Variants in EPM2A observed in about 807,000 individuals in gnomAD.
EPM2A encodes EPM2A glucan phosphatase, laforin, also known as laforin.
Under a neutral mutation model 26.5 loss-of-function variants are expected in EPM2A, and 21 were observed. That is an observed-to-expected ratio of 0.79 (90% CI 0.56 to 1.14). EPM2A has a LOEUF of 1.14. Ranked by LOEUF, EPM2A falls within the 50% of genes most tolerant of loss-of-function variation. EPM2A has a pLI of 0.00. For missense variants in EPM2A, 458 were observed against 440.8 expected (o/e 1.04, Z -0.35); for synonymous variants, 217 against 177.6 (o/e 1.22, Z -1.76).
intron 4 of EPM2A, among the ~76,000 whole-genome samples, chr6:145,427,519 C>CT (rs1175788028): frequency 1.3e-5 from 2 of 152,038 alleles, no homozygotes; most frequent in Non-Finnish European, 2.9e-5. Flanking sequence ...TGTCACAGTG[C>CT]GTCTCCTAGA....
chr6:145,689,890 TTTG>T (rs1486325207), intron 1 of EPM2A, among the ~76,000 whole-genome samples: 1 of 152,192 alleles, frequency 6.6e-6, no homozygotes, highest in Non-Finnish European at 1.5e-5. Context: ...TCCACCTCCA[TTTG>T]GCAGTAACGA....
At chr6:145,468,044 T>C (rs1582778492) in intron 4 of EPM2A, among the ~76,000 whole-genome samples, 1 of 152,228 alleles carries the variant, frequency 6.6e-6, no homozygotes, top group South Asian at 2.1e-4. Context: ...GGATATATGC[T>C]AGTTTAATCC....
intron 4 of EPM2A, among the ~76,000 whole-genome samples, chr6:145,388,219 G>A (rs1381408004): frequency 6.6e-6 from 1 of 152,128 alleles, no homozygotes. Flanking sequence ...ACCCTTCAAA[G>A]ATTCTCCACT....
intron 4 of EPM2A, among the ~76,000 whole-genome samples, chr6:145,396,402 AC>A (rs967389104): frequency 6.6e-6 from 1 of 152,116 alleles, no homozygotes; most frequent in Non-Finnish European, 1.5e-5. Context: ...TGTTCTTTAA[AC>A]CCCCAGACAA....
chr6:145,456,324 G>A (rs1779262039), intron 4 of EPM2A, among the ~76,000 whole-genome samples: 1 of 152,160 alleles, frequency 6.6e-6, no homozygotes, highest in Admixed American at 6.5e-5. Context: ...GTACTTAGTA[G>A]GTGCCAAATA....
At chr6:145,686,374 A>AT in intron 1 of EPM2A, 78 bp from the exon 2 acceptor site, 1 of 1,122,644 alleles carries the variant, frequency 8.9e-7, no homozygotes, top group Admixed American at 1.8e-5. Flanking sequence ...CTGATACAAA[A>AT]TTAATAGCAA....
chr6:145,690,351 A>G (rs1053502522), intron 1 of EPM2A, among the ~76,000 whole-genome samples: 1 of 151,724 alleles, frequency 6.6e-6, no homozygotes, highest in African/African-American at 2.4e-5. Context: ...TCTACTAAAA[A>G]TACAAAAAAT....
intron 2 of EPM2A, among the ~76,000 whole-genome samples, chr6:145,654,128 T>C (rs1778084973): frequency 6.6e-6 from 1 of 152,208 alleles, no homozygotes; most frequent in Non-Finnish European, 1.5e-5. Context: ...ACTCACTGTA[T>C]ATCTATTGAT....
chr6:145,452,377 T>C (rs1779206510), intron 4 of EPM2A, among the ~76,000 whole-genome samples: 1 of 151,118 alleles, frequency 6.6e-6, no homozygotes, highest in Non-Finnish European at 1.5e-5. Context: ...AAATTTCAGA[T>C]GTTGTTTCTC....
intron 1 of EPM2A, among the ~76,000 whole-genome samples, chr6:145,691,140 T>C (rs978555103): frequency 1.3e-5 from 2 of 151,996 alleles, no homozygotes; most frequent in Non-Finnish European, 2.9e-5. Flanking sequence ...AGGCAAAACC[T>C]ACAAATTCAA....
intron 4 of EPM2A, among the ~76,000 whole-genome samples, chr6:145,399,089 A>T (rs1026233568): frequency 1.3e-5 from 2 of 152,176 alleles, no homozygotes; most frequent in African/African-American, 4.8e-5. Context: ...ATTCTAGATC[A>T]AATAAAGAAA....
intron 2 of EPM2A, among the ~76,000 whole-genome samples, chr6:145,581,182 TAGTAATAGC>T (rs2114836305): frequency 6.6e-6 from 1 of 152,322 alleles, no homozygotes; most frequent in East Asian, 1.9e-4. Context: ...TTTGACTTTT[TAGTAATAGC>T]CATTCCGACT....
At chr6:145,497,388 C>T (rs1779835014), downstream of EPM2A, among the ~76,000 whole-genome samples, 3 of 152,320 alleles carry the variant, frequency 2.0e-5, no homozygotes, top group South Asian at 4.1e-4. Context: ...TGCAAAACAG[C>T]AAAGTGGCAG....
intron 2 of EPM2A, among the ~76,000 whole-genome samples, chr6:145,659,366 A>AT (rs1778522579): frequency 6.6e-6 from 1 of 152,214 alleles, no homozygotes; most frequent in Non-Finnish European, 1.5e-5. Flanking sequence ...TTGAGGCAGC[A>AT]TTGTACTTTA....
At chr6:145,487,109 G>A (rs374891833) in intron 4 of EPM2A, among the ~76,000 whole-genome samples, 17 of 152,208 alleles carry the variant, frequency 1.1e-4, no homozygotes, top group African/African-American at 4.1e-4. Context: ...TTCTGTTTCT[G>A]CATTAGTTTG....
At chr6:145,713,185 C>A (rs146855295) in intron 1 of EPM2A, among the ~76,000 whole-genome samples, 2 of 152,112 alleles carry the variant, frequency 1.3e-5, no homozygotes, top group African/African-American at 4.8e-5. Flanking sequence ...AAGCACTGTA[C>A]GAAACTAATG....
intron 1 of EPM2A, among the ~76,000 whole-genome samples, chr6:145,723,775 C>G (rs961917924): frequency 3.0e-4 from 45 of 152,072 alleles, no homozygotes; most frequent in African/African-American, 1.1e-3. Flanking sequence ...TTTACTCTCA[C>G]ATTTGGGGAG....
intron 2 of EPM2A, among the ~76,000 whole-genome samples, chr6:145,545,039 T>G (rs750854612): frequency 1.3e-5 from 2 of 152,142 alleles, no homozygotes. Flanking sequence ...ATTCAATAAA[T>G]CTTCTACATT....
chr6:145,481,766 C>T (rs1249995915), intron 4 of EPM2A, among the ~76,000 whole-genome samples: 1 of 152,118 alleles, frequency 6.6e-6, no homozygotes, highest in Non-Finnish European at 1.5e-5. Context: ...GAAATGATAA[C>T]TAATACATAC....
Sources: allele counts gnomAD v4.1 joint callset (sites outside exome capture counted in the v4.1 genomes callset), GRCh38; gene constraint gnomAD v4.1.1; transcripts MANE v1.5; gene names NCBI Gene and HGNC (gene_info 2026-07-23, HGNC 2026-07-21).